Variants in WDFY2 observed in about 807,000 individuals in gnomAD.
WDFY2 encodes the protein WD repeat and FYVE domain-containing protein 2.
Under a neutral mutation model 56.4 loss-of-function variants are expected in WDFY2, and 36 were observed. That is an observed-to-expected ratio of 0.64 (90% CI 0.49 to 0.84). WDFY2 has a LOEUF of 0.84. WDFY2 is among the 40% of genes least tolerant of loss of function. The pLI, the probability that WDFY2 is intolerant of heterozygous loss-of-function variation, is 0.00. For synonymous variants in WDFY2, 176 were observed against 183.7 expected, an observed-to-expected ratio of 0.96 and a Z score of 0.34; for missense variants, 444 against 512.2, an observed-to-expected ratio of 0.87 and a Z score of 1.29.
intron 3 of WDFY2, among the ~76,000 whole-genome samples, chr13:51,697,027 A>G (rs1360011995): frequency 5.3e-5 from 8 of 152,154 alleles, no homozygotes; most frequent in Non-Finnish European, 1.0e-4. Context: ...AGGAAATACT[A>G]AGGGCCAGTA....
chr13:51,651,513 G>C (rs1331539921), intron 1 of WDFY2, among the ~76,000 whole-genome samples: 1 of 152,176 alleles, frequency 6.6e-6, no homozygotes, highest in Non-Finnish European at 1.5e-5. Context: ...ATGTTAGGGT[G>C]TCAATTTTAG....
rs1953664933 is a variant in WDFY2 at position 51,763,853 on chromosome 13, A to G, written c.*4084A>G. On this transcript the variant is annotated 3_prime_UTR_variant, in exon 12 of 12. Transcript: ENST00000298125. ...GATATTAATCACTTCTTAAGGCCCAAATTTTTGTTTTTAAGCAAAAGGATA... is the reference window on the plus strand; with the variant it reads ...GATATTAATCACTTCTTAAGGCCCAGATTTTTGTTTTTAAGCAAAAGGATA... 6.6e-6 allele frequency: 1 copy of G among 152,166 alleles called. No individual in the cohort carries two copies. Among genetic ancestry groups the G allele is most frequent in the South Asian group, 2.1e-4 (1 of 4,832 alleles). The allele number at this position is 152,166 out of a possible 1,614,324, so 9.4% of individuals were successfully genotyped here.
intron 1 of WDFY2, among the ~76,000 whole-genome samples, chr13:51,610,347 A>G (rs1048605754): frequency 2.0e-5 from 3 of 152,140 alleles, no homozygotes; most frequent in African/African-American, 7.2e-5. Context: ...AATAATTAAA[A>G]TGGAAAGTTT....
intron 6 of WDFY2, among the ~76,000 whole-genome samples, chr13:51,736,786 C>T (rs1243482126): frequency 3.9e-5 from 6 of 152,154 alleles, no homozygotes; most frequent in Non-Finnish European, 5.9e-5. Context: ...CTACCGCACC[C>T]GGCCCCATGG....
At chr13:51,649,783 G>C (rs1036198335) in intron 1 of WDFY2, among the ~76,000 whole-genome samples, 1 of 152,088 alleles carries the variant, frequency 6.6e-6, no homozygotes, top group Non-Finnish European at 1.5e-5. Context: ...CTATATCTCT[G>C]TTTTGGTACC....
chr13:51,695,436 C>G (rs529871879), intron 3 of WDFY2, among the ~76,000 whole-genome samples: 1 of 152,164 alleles, frequency 6.6e-6, no homozygotes, highest in Non-Finnish European at 1.5e-5. Flanking sequence ...TTGGAGTTTG[C>G]TAGAGGTCCA....
chr13:51,720,601 A>G (rs1464046016), intron 5 of WDFY2, among the ~76,000 whole-genome samples: 1 of 152,220 alleles, frequency 6.6e-6, no homozygotes, highest in African/African-American at 2.4e-5. Flanking sequence ...CTTAGAGATC[A>G]CCTAGTTCAA....
chr13:51,597,208 T>C (rs991343168), intron 1 of WDFY2, among the ~76,000 whole-genome samples: 14 of 152,234 alleles, frequency 9.2e-5, no homozygotes, highest in African/African-American at 7.2e-5. Flanking sequence ...ATATACCAAG[T>C]TGTTGCTTTA....
At chr13:51,680,424 C>T (rs1425129423) in intron 3 of WDFY2, among the ~76,000 whole-genome samples, 2 of 152,158 alleles carry the variant, frequency 1.3e-5, no homozygotes, top group Admixed American at 6.5e-5. Context: ...CTTATAAAGA[C>T]ACCAGTCATT....
chr13:51,662,415 G>A (rs983287138), intron 2 of WDFY2, among the ~76,000 whole-genome samples: 7 of 152,124 alleles, frequency 4.6e-5, no homozygotes, highest in African/African-American at 1.4e-4. Flanking sequence ...GTCCCATGAC[G>A]CTGCAAAAGG....
Position 51,695,898 on chromosome 13 carries a change from C to A in WDFY2, c.280-7698C>A, listed in dbSNP as rs900894954. 7.9e-5 allele frequency among the ~76,000 whole-genome samples: 12 copies of A among 152,232 alleles called. 1 individual carries two copies. The highest frequency in any genetic ancestry group is 2.1e-4 in the South Asian group (1 of 4,836). ...TGGACAATGGTGGGTGCCCCTCCCC[C>A]AGCCTTGCTGCCGCCTTGCAGTTTG... On this transcript the variant is annotated intron_variant, in intron 3 of 11. Coordinates refer to ENST00000298125, the MANE Select transcript of WDFY2 (RefSeq NM_052950.4).
At chr13:51,642,555 A>G (rs1955187992) in intron 1 of WDFY2, among the ~76,000 whole-genome samples, 1 of 151,970 alleles carries the variant, frequency 6.6e-6, no homozygotes, top group Non-Finnish European at 1.5e-5. Flanking sequence ...TGGCCTCCCA[A>G]TGTGCTGTAA....
chr13:51,671,570 G>A (rs1006968969), intron 2 of WDFY2, among the ~76,000 whole-genome samples: 1 of 151,894 alleles, frequency 6.6e-6, no homozygotes, highest in Non-Finnish European at 1.5e-5. Context: ...TTTTGTGTGT[G>A]TGTGCTAATT....
At chr13:51,667,879 CTTTTTTTTT>C (rs66771214) in intron 2 of WDFY2, among the ~76,000 whole-genome samples, 8 of 50,044 alleles carry the variant, frequency 1.6e-4, no homozygotes, top group South Asian at 6.9e-4. Flanking sequence ...TGAGGAACTT[CTTTTTTTTT>C]TTTTTTTTTT....
intron 3 of WDFY2, among the ~76,000 whole-genome samples, chr13:51,694,932 T>A (rs1951831020): frequency 1.3e-5 from 2 of 152,220 alleles, no homozygotes; most frequent in Admixed American, 6.5e-5. Flanking sequence ...TTCATTCATT[T>A]GATCTTCCAT....
At chr13:51,627,669 C>T (rs1378124854) in intron 1 of WDFY2, among the ~76,000 whole-genome samples, 1 of 152,102 alleles carries the variant, frequency 6.6e-6, no homozygotes, top group African/African-American at 2.4e-5. Context: ...CAGGTGTGAG[C>T]CACCATGCCC....
chr13:51,706,365 A>T (rs1952082519), intron 4 of WDFY2, among the ~76,000 whole-genome samples: 1 of 152,232 alleles, frequency 6.6e-6, no homozygotes, highest in Non-Finnish European at 1.5e-5. Context: ...AGAACCAGTA[A>T]GAGATAGATA....
At chr13:51,606,412 T>TA (rs1954385873) in intron 1 of WDFY2, among the ~76,000 whole-genome samples, 1 of 152,206 alleles carries the variant, frequency 6.6e-6, no homozygotes, top group Admixed American at 6.5e-5. Flanking sequence ...TTGCTTTTTT[T>TA]ATCTAAAGTG....
At chr13:51,709,012 C>G (rs942538528) in intron 4 of WDFY2, among the ~76,000 whole-genome samples, 4 of 151,984 alleles carry the variant, frequency 2.6e-5, no homozygotes, top group East Asian at 1.9e-4. Context: ...GACCCCAAAA[C>G]TGATGAAACT....
Sources: gnomAD v4.1 joint callset for allele counts (sites outside exome capture counted in the v4.1 genomes callset) on GRCh38, gnomAD v4.1.1 for gene constraint, MANE v1.5 for transcripts, NCBI Gene and HGNC (gene_info 2026-07-23, HGNC 2026-07-21) for gene names.